Variants in ADCY2 observed in about 807,000 individuals in gnomAD.
ADCY2 encodes adenylate cyclase type 2.
A neutral mutation model predicts 125.2 loss-of-function variants in ADCY2; 31 were observed. That is an observed-to-expected ratio of 0.25 (90% CI 0.19 to 0.33). The LOEUF (loss-of-function observed/expected upper bound fraction) is 0.33. ADCY2 is among the 10% of genes least tolerant of loss of function. ADCY2 has a pLI of 1.00. For synonymous variants in ADCY2, 512 were observed against 548.4 expected (o/e 0.93, Z 0.93); for missense variants, 904 against 1,418.2 (o/e 0.64, Z 5.82).
intron 3 of ADCY2, among the ~76,000 whole-genome samples, chr5:7,613,497 G>T (rs1157111857): frequency 6.6e-6 from 1 of 152,162 alleles, no homozygotes; most frequent in East Asian, 1.9e-4. Context: ...GTGGGGGGTG[G>T]GGTCCCCAGG....
intron 4 of ADCY2, chr5:7,653,881 A>T (rs1384231635): frequency 1.3e-5 from 3 of 238,906 alleles, no homozygotes; most frequent in Non-Finnish European, 1.7e-5. Flanking sequence ...AAAAATTATA[A>T]ATTCTTACCA....
intron 16 of ADCY2, among the ~76,000 whole-genome samples, chr5:7,763,331 T>G (rs1743290892): frequency 6.6e-6 from 1 of 151,946 alleles, no homozygotes; most frequent in African/African-American, 2.4e-5. Flanking sequence ...GACCTCGTGA[T>G]CCACCCACCT....
intron 3 of ADCY2, among the ~76,000 whole-genome samples, chr5:7,528,039 A>T (rs577836256): frequency 1.1e-4 from 16 of 152,302 alleles, no homozygotes; most frequent in Admixed American, 3.9e-4. Flanking sequence ...CATTCTGTAT[A>T]GCATGAAGCT....
chr5:7,698,112 C>G (rs2126327690), intron 6 of ADCY2, 135 bp from the exon 7 acceptor site: 1 of 1,027,860 alleles, frequency 9.7e-7, no homozygotes, highest in East Asian at 2.4e-5. Flanking sequence ...GAAGGGAAGC[C>G]CAACTGGTTC....
intron 1 of ADCY2, among the ~76,000 whole-genome samples, chr5:7,412,491 C>T (rs774606539): frequency 3.3e-5 from 5 of 152,278 alleles, no homozygotes; most frequent in East Asian, 1.9e-4. Context: ...TCCGTTTGTT[C>T]GTGGTGTCTG....
chr5:7,698,626 G>A (rs763925286), intron 7 of ADCY2, among the ~76,000 whole-genome samples: 6 of 152,176 alleles, frequency 3.9e-5, no homozygotes, highest in Non-Finnish European at 8.8e-5. Context: ...TTATGAGTGA[G>A]AACATGCGGT....
intron 1 of ADCY2, among the ~76,000 whole-genome samples, chr5:7,401,350 G>T (rs1230750520): frequency 6.6e-6 from 1 of 152,174 alleles, no homozygotes; most frequent in African/African-American, 2.4e-5. Flanking sequence ...TCAAGGTCAT[G>T]CAACTGCTAC....
At chr5:7,712,978 T>C (rs1319398233) in intron 11 of ADCY2, 79 bp downstream of exon 11, 3 of 1,112,664 alleles carry the variant, frequency 2.7e-6, no homozygotes, top group Non-Finnish European at 4.0e-6. Flanking sequence ...TCAATTATGG[T>C]AATTTCAAGG....
At position 7,476,128 on chromosome 5, in the gene ADCY2, C is replaced by T. The variant is rs920880859; in HGVS notation, c.409-44610C>T. 2.6e-5 allele frequency among the ~76,000 whole-genome samples: 4 copies of T among 152,192 alleles called. No homozygotes were observed. In the East Asian group the frequency reaches 7.7e-4, roughly 29 times the overall value. ...AAGCCCAGGAACTTTAAAAGTACTT[C>T]TTGAAAACCCATTTTAGCACTGAAA... On this transcript the variant is annotated intron_variant, in intron 2 of 24. Coordinates refer to ENST00000338316, the MANE Select transcript of ADCY2 (RefSeq NM_020546.3).
chr5:7,565,861 C>T lies in ADCY2; in HGVS notation c.570+44962C>T, dbSNP rs549163445. 3.3e-5 allele frequency among the ~76,000 whole-genome samples: 5 copies of T among 152,286 alleles called. No individual in the cohort carries two copies. In the East Asian group the frequency reaches 7.7e-4, roughly 24 times the overall value. ...CCCAGAGCACTGAGTCCTGAGCAATCCAGCTTTTCCCAAATAAATGTATTT... is the reference window on the plus strand; with the variant it reads ...CCCAGAGCACTGAGTCCTGAGCAATTCAGCTTTTCCCAAATAAATGTATTT... On this transcript the variant is annotated intron_variant, in intron 3 of 24. Coordinates refer to ENST00000338316, the MANE Select transcript of ADCY2 (RefSeq NM_020546.3).
At chr5:7,534,108 A>G (rs1027579) in intron 3 of ADCY2, among the ~76,000 whole-genome samples, 70,157 of 152,068 alleles carry the variant, frequency 0.46, 17,440 homozygotes, top group South Asian at 0.57. Context: ...TTGTCAACTC[A>G]TTGACTTGGC....
At chr5:7,705,121 C>T (rs1741226251) in intron 7 of ADCY2, among the ~76,000 whole-genome samples, 1 of 152,128 alleles carries the variant, frequency 6.6e-6, no homozygotes, top group African/African-American at 2.4e-5. Context: ...CTCTCAACAA[C>T]ATAAAATGTT....
At chr5:7,675,674 A>G (rs1308352717) in intron 4 of ADCY2, among the ~76,000 whole-genome samples, 1 of 152,208 alleles carries the variant, frequency 6.6e-6, no homozygotes, top group Non-Finnish European at 1.5e-5. Flanking sequence ...TTTAAAGGAG[A>G]AGTAGTAACA....
intron 4 of ADCY2, among the ~76,000 whole-genome samples, chr5:7,637,656 G>A (rs976206670): frequency 2.0e-5 from 3 of 152,060 alleles, no homozygotes; most frequent in Non-Finnish European, 1.5e-5. Flanking sequence ...ATGTCAACAA[G>A]ATTTTAGGTA....
intron 23 of ADCY2, 144 bp from the exon 24 acceptor site, chr5:7,820,421 G>A (rs1446548490): frequency 4.1e-6 from 4 of 974,420 alleles, no homozygotes; most frequent in Non-Finnish European, 5.9e-6. Flanking sequence ...TTGAGCCTGG[G>A]AGGTGAAGGT....
chr5:7,545,032 G>A (rs1430758366), intron 3 of ADCY2, among the ~76,000 whole-genome samples: 3 of 152,194 alleles, frequency 2.0e-5, no homozygotes, highest in East Asian at 3.9e-4. Context: ...AGAGACCAGC[G>A]AGAGAGCGAG....
At chr5:7,577,972 T>C (rs1409000593) in intron 3 of ADCY2, among the ~76,000 whole-genome samples, 1 of 152,104 alleles carries the variant, frequency 6.6e-6, no homozygotes, top group Non-Finnish European at 1.5e-5. Flanking sequence ...CTATAACTGT[T>C]ATAGCTAAGG....
At chr5:7,522,739 T>TAAAAAAAAAAAA (rs35601967) in intron 3 of ADCY2, 5 of 122,610 alleles carry the variant, frequency 4.1e-5, no homozygotes, top group African/African-American at 7.8e-5. Context: ...CATCTCTACT[T>TAAAAAAAAAAAA]AAAAAAAAAA....
intron 3 of ADCY2, among the ~76,000 whole-genome samples, chr5:7,551,756 C>A (rs770196400): frequency 3.9e-5 from 6 of 152,068 alleles, no homozygotes; most frequent in Admixed American, 6.5e-5. Flanking sequence ...TCAAGAGATG[C>A]CATAGATCTT....
Sources: allele counts gnomAD v4.1 joint callset (sites outside exome capture counted in the v4.1 genomes callset), GRCh38; gene constraint gnomAD v4.1.1; transcripts MANE v1.5; gene names NCBI Gene and HGNC (gene_info 2026-07-23, HGNC 2026-07-21).